CIAO1: variants seen among roughly 807,000 people sequenced by gnomAD.
CIAO1 encodes probable cytosolic iron-sulfur protein assembly protein CIAO1.
A neutral mutation model predicts 43.1 loss-of-function variants in CIAO1; 32 were observed. That is an observed-to-expected ratio of 0.74 (90% CI 0.56 to 1.00). CIAO1 has a LOEUF of 1.00. CIAO1 is among the 50% of genes least tolerant of loss of function. The pLI is 0.00. For missense variants in CIAO1, 415 were observed against 437.4 expected (o/e 0.95, Z 0.46); for synonymous variants, 183 against 171.4 (o/e 1.07, Z -0.53).
Position 96,267,323 on chromosome 2 carries a change from G to A in CIAO1, c.142G>A (p.Asp48Asn). The change falls in exon 2 of 7, where the codon GAC becomes AAC. Residue 48 changes from aspartate to asparagine, a missense_variant and splice_region_variant. By Grantham distance (23) the Asp-to-Asn change is conservative. Coordinates refer to ENST00000488633, the MANE Select transcript of CIAO1 (RefSeq NM_004804.3). ...RRIRIWGTEGDSWICKSVLSE... is the reference protein window; with the variant it reads ...RRIRIWGTEGNSWICKSVLSE... The stretch of plus-strand genomic sequence containing the variant: ...CCTGGCCTGCGCTCCGCCTTTAGGT[G>A]ACAGCTGGATCTGCAAGTCTGTCCT... The A allele has an allele frequency of 1.2e-6, 2 of 1,611,938 alleles. No individual in the cohort carries two copies. The highest frequency in any genetic ancestry group is 1.7e-6 in the Non-Finnish European group (2 of 1,178,374).
At chr2:96,268,747 G>A in intron 5 of CIAO1, 89 bp downstream of exon 5, 1 of 1,330,110 alleles carries the variant, frequency 7.5e-7, no homozygotes, top group Non-Finnish European at 1.1e-6. Context: ...AGCAAATGGG[G>A]GTAAAAGGTA....
chr2:96,268,711 T>C, intron 5 of CIAO1, 53 bp downstream of exon 5: 2 of 1,581,578 alleles, frequency 1.3e-6, no homozygotes, highest in South Asian at 2.2e-5. Flanking sequence ...GGGTTCACAG[T>C]CTGCTAAGAC....
intron 4 of CIAO1, 80 bp downstream of exon 4, chr2:96,268,004 TAATC>T (rs1222096005): frequency 8.6e-7 from 1 of 1,158,540 alleles, no homozygotes; most frequent in African/African-American, 1.5e-5. Context: ...TTTTCAGCCT[TAATC>T]TAGCTTTTAC....
intron 6 of CIAO1, among the ~76,000 whole-genome samples, chr2:96,270,453 G>A (rs1684526474): frequency 6.6e-6 from 1 of 151,308 alleles, no homozygotes; most frequent in South Asian, 2.1e-4. Context: ...AGTGAGCCGA[G>A]ATTGCGCCAC....
rs1366124103 is a variant in CIAO1 at position 96,272,774 on chromosome 2, C to T, written c.*1423C>T. The T allele has an allele frequency of 6.6e-6, 1 of 152,140 alleles. No homozygotes were observed. Among genetic ancestry groups the T allele is most frequent in the African/African-American group, 2.4e-5 (1 of 41,408 alleles). 9.4% of individuals were successfully genotyped at this position (152,140 alleles called of 1,614,324 possible). Reference sequence around the variant, plus strand: ...GCAGTGAGCCGAGATCATACCATTGCACTCCAGCCCAGGCAACAAGAGTGA... The same window carrying T: ...GCAGTGAGCCGAGATCATACCATTGTACTCCAGCCCAGGCAACAAGAGTGA... On this transcript the variant is annotated 3_prime_UTR_variant, in exon 7 of 7. Coordinates refer to ENST00000488633, the MANE Select transcript of CIAO1 (RefSeq NM_004804.3).
intron 1 of CIAO1, 114 bp downstream of exon 1, chr2:96,266,603 A>T: frequency 8.6e-7 from 1 of 1,163,196 alleles, no homozygotes; most frequent in Non-Finnish European, 1.1e-6. Context: ...GGAGAGTGGG[A>T]TGTTAGCCAC....
Position 96,271,819 on chromosome 2 carries a change from G to A in CIAO1, c.*468G>A, listed in dbSNP as rs369218269. On this transcript the variant is annotated 3_prime_UTR_variant, in exon 7 of 7. Transcript: ENST00000488633. The stretch of plus-strand genomic sequence containing the variant: ...TTTCTGTGTAAGTCTTTGCATTTAA[G>A]ACATCCAATCAATAATGAAGGAAAT... 1 of 156,734 alleles carries A rather than the reference G, an allele frequency of 6.4e-6. No individual in the cohort carries two copies. Among genetic ancestry groups the A allele is most frequent in the African/African-American group, 2.4e-5 (1 of 41,430 alleles). The allele number at this position is 156,734 out of a possible 1,614,324, so 9.7% of individuals were successfully genotyped here.
rs757517681 is a variant in CIAO1 at position 96,271,136 on chromosome 2, A to T, written c.805A>T (p.Thr269Ser). The T allele has an allele frequency of 1.2e-6, 2 of 1,614,200 alleles. No homozygotes were observed. Among genetic ancestry groups the T allele is most frequent in the Admixed American group, 3.3e-5 (2 of 60,020 alleles). Reference sequence around the variant, plus strand: ...GTGTCAGCTGACAGGGGCTCTGGCCACAGCTTGTGGGGATGACGCGATCCG... The same window carrying T: ...GTGTCAGCTGACAGGGGCTCTGGCCTCAGCTTGTGGGGATGACGCGATCCG... ...AWCQLTGALA[T>S]ACGDDAIRVF... The change falls in exon 7 of 7, where the codon ACA becomes TCA. Residue 269 changes from threonine (T) to serine (S), a missense_variant. Transcript: ENST00000488633.
Position 96,267,336 on chromosome 2 carries a change from G to A in CIAO1, c.155G>A (p.Cys52Tyr). 6.2e-7 allele frequency: 1 copy of A among 1,613,256 alleles called. No individual in the cohort carries two copies. The highest frequency in any genetic ancestry group is 8.5e-7 in the Non-Finnish European group (1 of 1,179,378). ...CCGCCTTTAGGTGACAGCTGGATCT[G>A]CAAGTCTGTCCTTTCTGAAGGCCAC... ...IWGTEGDSWI[C>Y]KSVLSEGHQR... is the part of the protein sequence containing the mutation. Residue 52 changes from cysteine to tyrosine, a missense_variant, in exon 2 of 7, where the codon TGC becomes TAC. Physicochemically the swap from Cys to Tyr is radical, Grantham distance 194. Coordinates refer to ENST00000488633, the MANE Select transcript of CIAO1 (RefSeq NM_004804.3).
intron 5 of CIAO1, 59 bp from the exon 6 acceptor site, chr2:96,269,209 C>A (rs1684495715): frequency 6.8e-7 from 1 of 1,465,054 alleles, no homozygotes; most frequent in African/African-American, 1.4e-5. Context: ...AAGTTAGGTT[C>A]TCCTTTGAGG....
Position 96,268,451 on chromosome 2 carries a change from C to A in CIAO1, c.490-6C>A. On this transcript the variant is annotated splice_polypyrimidine_tract_variant and splice_region_variant and intron_variant, in intron 4 of 6. Transcript: ENST00000488633. ...CATGTTGGGTTTCCTTTCACTCTTC[C>A]CCCAGCTCTTAGCTTCTGCCAGCTA... The A allele has an allele frequency of 2.5e-6, 4 of 1,614,004 alleles. No homozygotes were observed. The highest frequency in any genetic ancestry group is 3.4e-6 in the Non-Finnish European group (4 of 1,179,898).
chr2:96,269,198 T>G (rs1379421146), intron 5 of CIAO1, 70 bp from the exon 6 acceptor site: 1 of 1,322,386 alleles, frequency 7.6e-7, no homozygotes, highest in Non-Finnish European at 1.1e-6. Context: ...TGAGGGAAGG[T>G]AAGTTAGGTT....
intron 6 of CIAO1, among the ~76,000 whole-genome samples, 173 bp from the exon 7 acceptor site, chr2:96,270,924 ACTAGATTGCAGCAT>A (rs1007357010): frequency 2.4e-4 from 36 of 152,358 alleles, no homozygotes; most frequent in Middle Eastern, 6.8e-3. Flanking sequence ...AGGGGAAAGA[ACTAGATTGCAGCAT>A]CTGAAGATAT....
chr2:96,270,772 T>C (rs1414703470), intron 6 of CIAO1, among the ~76,000 whole-genome samples: 1 of 138,714 alleles, frequency 7.2e-6, no homozygotes, highest in South Asian at 2.3e-4. Flanking sequence ...ATTGTGCCAC[T>C]GCACTCCAGC....
chr2:96,271,474 G>A lies in CIAO1; in HGVS notation c.*123G>A. 2 of 1,239,084 alleles carry A rather than the reference G, an allele frequency of 1.6e-6. No homozygotes were observed. Among genetic ancestry groups the A allele is most frequent in the Non-Finnish European group, 2.2e-6 (2 of 905,594 alleles). The allele number at this position is 1,239,084 out of a possible 1,614,324, so 76.8% of individuals were successfully genotyped here. On this transcript the variant is annotated 3_prime_UTR_variant, in exon 7 of 7. Transcript: ENST00000488633. ...ATTTAACTTGGCTCACTTCTCTTCA[G>A]ACTTGGGTAGAAGTGCAGAGCCACA...
At chr2:96,270,740 G>T (rs1684532327) in intron 6 of CIAO1, among the ~76,000 whole-genome samples, 1 of 151,738 alleles carries the variant, frequency 6.6e-6, no homozygotes, top group South Asian at 2.1e-4. Flanking sequence ...AACCTGGGAG[G>T]GGGAGGTTGC....
At chr2:96,269,928 A>T (rs1463921909) in intron 6 of CIAO1, among the ~76,000 whole-genome samples, 1 of 151,928 alleles carries the variant, frequency 6.6e-6, no homozygotes, top group Non-Finnish European at 1.5e-5. Context: ...TACAGGCATG[A>T]GCCACCGCAC....
intron 4 of CIAO1, among the ~76,000 whole-genome samples, chr2:96,268,183 G>A (rs893114035): frequency 3.3e-5 from 5 of 152,104 alleles, no homozygotes; most frequent in Admixed American, 1.3e-4. Flanking sequence ...GTGAAACTCC[G>A]TCTCTACTAA....
In CIAO1 at chr2:96,267,943, C is replaced by T. The variant is rs759679157; in HGVS notation, c.489+19C>T. On this transcript the variant is annotated intron_variant, in intron 4 of 6. Coordinates refer to ENST00000488633, the MANE Select transcript of CIAO1 (RefSeq NM_004804.3). Reference sequence around the variant, plus strand: ...TCAGGAGGTAAGAGTCAAGCAGGGACTCTTGTGGGAAGGGCTCTGGTGTGC... The same window carrying T: ...TCAGGAGGTAAGAGTCAAGCAGGGATTCTTGTGGGAAGGGCTCTGGTGTGC... 6.2e-7 allele frequency: 1 copy of T among 1,601,104 alleles called. No individual in the cohort carries two copies. The highest frequency in any genetic ancestry group is 8.6e-7 in the Non-Finnish European group (1 of 1,168,422).
Sources: gnomAD v4.1 joint callset for allele counts (sites outside exome capture counted in the v4.1 genomes callset) on GRCh38, gnomAD v4.1.1 for gene constraint, MANE v1.5 for transcripts, NCBI Gene and HGNC (gene_info 2026-07-23, HGNC 2026-07-21) for gene names.